The following FCER2 variants were observed in gnomAD, a reference collection of about 807,000 sequenced individuals.
FCER2 encodes the protein Fc epsilon receptor II.
Under a neutral mutation model 49.7 loss-of-function variants are expected in FCER2, and 38 were observed. The ratio of observed to expected loss-of-function variants is 0.76; its 90% CI spans 0.59 to 1.00. FCER2 has a LOEUF of 1.00. FCER2 is among the 50% of genes least tolerant of loss of function. The pLI, the probability that FCER2 is intolerant of heterozygous loss-of-function variation, is 0.00. For synonymous variants in FCER2, 163 were observed against 164.6 expected, an observed-to-expected ratio of 0.99 and a Z score of 0.07; for missense variants, 425 against 419.5, an observed-to-expected ratio of 1.01 and a Z score of -0.11.
At position 7,688,897 on chromosome 19, in the gene FCER2, GT is replaced by G; in HGVS notation, c.*295del. ...TGGGGCTGCATCTGGAGAGGGTGCT[GT>G]TGGGGTGTACTCTCATCTGGAGAGG... On this transcript the variant is annotated 3_prime_UTR_variant, in exon 11 of 11. Coordinates refer to ENST00000597921, the MANE Select transcript of FCER2 (RefSeq NM_001220500.2). The G allele has an allele frequency of 3.7e-5, 15 of 410,204 alleles. No homozygotes were observed. The highest frequency in any genetic ancestry group is 5.3e-5 in the Non-Finnish European group (12 of 225,092). 25.4% of individuals were successfully genotyped at this position (410,204 alleles called of 1,614,324 possible).
intron 2 of FCER2, 23 bp from the exon 3 acceptor site, chr19:7,698,877 C>T (rs1338712699): frequency 1.3e-6 from 2 of 1,562,398 alleles, no homozygotes; most frequent in Admixed American, 1.9e-5. Context: ...GAGGGACTGA[C>T]TATGGGTGCA....
intron 5 of FCER2, 104 bp downstream of exon 5, chr19:7,697,423 G>A (rs2033045281): frequency 6.9e-7 from 1 of 1,455,316 alleles, no homozygotes; most frequent in African/African-American, 1.4e-5. Flanking sequence ...CAGTTCCCGG[G>A]TGTCGGGGGT....
chr19:7,690,574 G>A lies in FCER2; in HGVS notation c.470-17C>T. The stretch of plus-strand genomic sequence containing the variant: ...ACACAAAGCCTGGGGTGGAGGAGAG[G>A]CTCGGGGGTGGGGCCAATGGAAGTG... On this transcript the variant is annotated splice_polypyrimidine_tract_variant and intron_variant, in intron 8 of 10. Coordinates refer to ENST00000597921, the MANE Select transcript of FCER2 (RefSeq NM_001220500.2). 6 of 1,611,610 alleles carry A rather than the reference G, an allele frequency of 3.7e-6. No homozygotes were observed. In the South Asian group the frequency reaches 6.6e-5, roughly 18 times the overall value.
rs887929336 is a variant in FCER2, at chr19:7,699,410, C to T, written c.22+329G>A. On this transcript the variant is annotated intron_variant, in intron 2 of 10. Coordinates refer to ENST00000597921, the MANE Select transcript of FCER2 (RefSeq NM_001220500.2). The stretch of plus-strand genomic sequence containing the variant: ...GGAGGATTCATTATGCTAAATTCTG[C>T]TTGTTCCAAGTTCCTGTTCTATTTG... 6 of 1,406,198 alleles carry T rather than the reference C, an allele frequency of 4.3e-6. No homozygotes were observed. In the African/African-American group the frequency reaches 8.6e-5, roughly 20 times the overall value. The allele number at this position is 1,406,198 out of a possible 1,614,324, so 87.1% of individuals were successfully genotyped here. A position where few individuals can be genotyped will look rare whatever the true frequency, so the allele number is the denominator to read the frequency against.
In FCER2 at chr19:7,696,985, C is replaced by A. The variant is rs780155670; in HGVS notation, c.379+28G>T. 11 of 1,567,690 alleles carry A rather than the reference C, an allele frequency of 7.0e-6. No homozygotes were observed. In the Admixed American group the frequency reaches 1.9e-4, roughly 27 times the overall value. ...CCCCCTCCTTGTCCGTTCCCTCCCCCACTGCCCCATCCCCTCCCAAGCCTC... is the reference window on the plus strand; with the variant it reads ...CCCCCTCCTTGTCCGTTCCCTCCCCAACTGCCCCATCCCCTCCCAAGCCTC... On this transcript the variant is annotated intron_variant, in intron 7 of 10. Coordinates refer to ENST00000597921, the MANE Select transcript of FCER2 (RefSeq NM_001220500.2).
Position 7,696,107 on chromosome 19 carries a change from A to T in FCER2, c.469+718T>A, listed in dbSNP as rs542119540. ...CGCCACCACACCCGGTTAATTTTTT[A>T]AAATTTTTATTGAGATGGAGTCTCG... On this transcript the variant is annotated intron_variant, in intron 8 of 10. Coordinates refer to ENST00000597921, the MANE Select transcript of FCER2 (RefSeq NM_001220500.2). 2.7e-4 allele frequency among the ~76,000 whole-genome samples: 41 copies of T among 151,130 alleles called. No individual in the cohort carries two copies. The East Asian group carries it at 7.4e-3, about 27-fold the overall frequency.
chr19:7,698,477 C>T (rs1168866399), intron 3 of FCER2, 68 bp from the exon 4 acceptor site: 4 of 1,270,818 alleles, frequency 3.1e-6, no homozygotes, highest in Non-Finnish European at 1.1e-6. Flanking sequence ...CTGCACCCCA[C>T]CTCCCAGCTG....
rs2032778123 is a variant in FCER2, at chr19:7,688,995, T to C, written c.*198A>G. The stretch of plus-strand genomic sequence containing the variant: ...TACTCTCATCTGGAGAGGGTGCTGT[T>C]GGGGGCACTCCCATCTGGAGAGGGT... On this transcript the variant is annotated 3_prime_UTR_variant, in exon 11 of 11. Transcript: ENST00000597921. 1 of 584,334 alleles carries C rather than the reference T, an allele frequency of 1.7e-6. No homozygotes were observed. Among genetic ancestry groups the C allele is most frequent in the Non-Finnish European group, 3.1e-6 (1 of 327,378 alleles). 36.2% of individuals were successfully genotyped at this position (584,334 alleles called of 1,614,324 possible). A position where few individuals can be genotyped will look rare whatever the true frequency, so the allele number is the denominator to read the frequency against.
Position 7,699,632 on chromosome 19 carries a change from C to T in FCER2, c.22+107G>A, listed in dbSNP as rs538486964. 1.9e-3 allele frequency: 2,457 copies of T among 1,305,906 alleles called. 8 individuals are homozygous for T. Among genetic ancestry groups the T allele is most frequent in the Non-Finnish European group, 2.3e-3 (2,110 of 910,618 alleles). The allele number at this position is 1,305,906 out of a possible 1,614,324, so 80.9% of individuals were successfully genotyped here. On this transcript the variant is annotated intron_variant, in intron 2 of 10. Coordinates refer to ENST00000597921, the MANE Select transcript of FCER2 (RefSeq NM_001220500.2). ...CACCAGTCCCTTTCTTAGAAATTCACCCTCTTTCCCAGAGAGGGACTGGGG... is the reference window on the plus strand; with the variant it reads ...CACCAGTCCCTTTCTTAGAAATTCATCCTCTTTCCCAGAGAGGGACTGGGG...
chr19:7,696,834 C>A lies in FCER2; in HGVS notation c.460G>T (p.Val154Leu), dbSNP rs1178605381. 1 of 1,577,154 alleles carries A rather than the reference C, an allele frequency of 6.3e-7. No homozygotes were observed. Among genetic ancestry groups the A allele is most frequent in the Non-Finnish European group, 8.6e-7 (1 of 1,160,272 alleles). The change falls in exon 8 of 11, where the codon GTG (valine) becomes TTG (leucine). Residue 154 changes from valine to leucine, a missense_variant. Physicochemically the swap from Val to Leu is conservative, Grantham distance 32 (BLOSUM62 1). Transcript: ENST00000597921. ...AGACTCACACACTCACCGCTGGACA[C>A]CTGCAACTCCATCCTTAGCTTTGTC... ...EVTKLRMELQVSSGFVCNTCP... is the reference protein window; with the variant it reads ...EVTKLRMELQLSSGFVCNTCP...
Position 7,689,363 on chromosome 19 carries a change from C to G in FCER2, c.796G>C (p.Gly266Arg), listed in dbSNP as rs201361607. Residue 266 changes from glycine (G) to arginine (R), a missense_variant, in exon 11 of 11, where the codon GGT becomes CGT. Gly to Arg is a moderately radical substitution (Grantham distance 125). Coordinates refer to ENST00000597921, the MANE Select transcript of FCER2 (RefSeq NM_001220500.2). ...GEDCVMMRGS[G>R]RWNDAFCDRK... ...TCGCAGAAGGCGTCGTTCCAGCGACCGGAGCCCCGCATCATCACGCAGTCC... is the reference window on the plus strand; with the variant it reads ...TCGCAGAAGGCGTCGTTCCAGCGACGGGAGCCCCGCATCATCACGCAGTCC... 155 of 1,609,986 alleles carry G rather than the reference C, an allele frequency of 9.6e-5. No homozygotes were observed. The highest frequency in any genetic ancestry group is 1.3e-4 in the Non-Finnish European group (149 of 1,178,700).
At chr19:7,693,272 G>A (rs12973278) in intron 8 of FCER2, among the ~76,000 whole-genome samples, 1 of 151,536 alleles carries the variant, frequency 6.6e-6, no homozygotes. Flanking sequence ...AAATTGTGAT[G>A]ATTTTCTTCC....
chr19:7,697,218 C>T lies in FCER2; in HGVS notation c.316+18G>A. 1.2e-6 allele frequency: 2 copies of T among 1,613,786 alleles called. No homozygotes were observed. The highest frequency in any genetic ancestry group is 1.1e-5 in the South Asian group (1 of 91,082). ...TCCCACCCAATCTGGCTTCATAACC[C>T]CGATCCCAGTCTCTCACCCTGAGAT... is the stretch of plus-strand genomic sequence containing the variant. On this transcript the variant is annotated intron_variant, in intron 6 of 10. Coordinates refer to ENST00000597921, the MANE Select transcript of FCER2 (RefSeq NM_001220500.2).
intron 2 of FCER2, chr19:7,699,465 C>A: frequency 6.9e-7 from 1 of 1,446,962 alleles, no homozygotes; most frequent in Non-Finnish European, 9.0e-7. Context: ...TCCCCGCTCC[C>A]TAGCTGAAGC....
chr19:7,698,901 T>C, intron 2 of FCER2, 47 bp from the exon 3 acceptor site: 5 of 1,540,070 alleles, frequency 3.2e-6, no homozygotes, highest in Non-Finnish European at 4.4e-6. Flanking sequence ...TGAAGCTGGA[T>C]GCTGGCCCTG....
At chr19:7,693,151 T>G (rs144566775) in intron 8 of FCER2, among the ~76,000 whole-genome samples, 1,601 of 152,288 alleles carry the variant, frequency 0.011, 33 homozygotes, top group African/African-American at 0.037. Flanking sequence ...AAACCAGTGC[T>G]GTGGCCAGGT....
intron 1 of FCER2, 182 bp from the exon 2 acceptor site, chr19:7,700,027 T>C (rs879708108): frequency 9.0e-6 from 5 of 558,358 alleles, no homozygotes; most frequent in South Asian, 4.1e-5. Context: ...CAGCCTGAGA[T>C]CAGAAGTGGG....
At chr19:7,692,451 AAC>A (rs1368907899) in intron 8 of FCER2, among the ~76,000 whole-genome samples, 3 of 147,318 alleles carry the variant, frequency 2.0e-5, no homozygotes, top group Non-Finnish European at 3.0e-5. Context: ...CAGCGCCACG[AAC>A]ACATTCACGT....
chr19:7,698,903 C>A lies in FCER2; in HGVS notation c.23-49G>T, dbSNP rs748395997. On this transcript the variant is annotated intron_variant, in intron 2 of 10. Coordinates refer to ENST00000597921, the MANE Select transcript of FCER2 (RefSeq NM_001220500.2). ...TATGGGTGCAGGGTGAAGCTGGATG[C>A]TGGCCCTGTCCGTCTCTCCATTACC... is the stretch of plus-strand genomic sequence containing the variant. The A allele has an allele frequency of 3.3e-6, 5 of 1,537,580 alleles. No individual in the cohort carries two copies. In the South Asian group the frequency reaches 5.9e-5, roughly 18 times the overall value.
Sources: gnomAD v4.1 joint callset for allele counts (sites outside exome capture counted in the v4.1 genomes callset) on GRCh38, gnomAD v4.1.1 for gene constraint, MANE v1.5 for transcripts, NCBI Gene and HGNC (gene_info 2026-07-23, HGNC 2026-07-21) for gene names.